Variants in NCAM1 observed in about 807,000 individuals in gnomAD.
NCAM1 encodes antigen recognized by monoclonal antibody 5.1H11.
In NCAM1, 14 loss-of-function variants were observed where a neutral mutation model predicts 109.8. That is an observed-to-expected ratio of 0.13 (90% CI 0.08 to 0.20). NCAM1 has a LOEUF of 0.20. Ranked by LOEUF, NCAM1 falls within the 10% of genes least tolerant of loss-of-function variation. The pLI, the probability that NCAM1 is intolerant of heterozygous loss-of-function variation, is 1.00. For synonymous variants in NCAM1, 418 were observed against 442.9 expected, an observed-to-expected ratio of 0.94 and a Z score of 0.70; for missense variants, 774 against 1,109.9, an observed-to-expected ratio of 0.70 and a Z score of 4.30.
intron 1 of NCAM1, among the ~76,000 whole-genome samples, chr11:112,996,848 T>C (rs1251153655): frequency 6.6e-6 from 1 of 152,218 alleles, no homozygotes; most frequent in Non-Finnish European, 1.5e-5. Context: ...CCCCGTCCCT[T>C]TTCTGGCCTG....
At chr11:112,978,254 A>G (rs59549727) in intron 1 of NCAM1, among the ~76,000 whole-genome samples, 46,172 of 151,664 alleles carry the variant, frequency 0.3, 8,051 homozygotes, top group East Asian at 0.67. Flanking sequence ...ATTGGTGTTT[A>G]GGTTTTGGGA....
rs1555126924 is a variant in NCAM1 at position 113,277,849 on chromosome 11, T to TTAAAAAAAA, written c.*2462_*2463insTAAAAAAAA. On this transcript the variant is annotated 3_prime_UTR_variant, in exon 20 of 20. Coordinates refer to ENST00000316851, the MANE Select transcript of NCAM1 (RefSeq NM_181351.5). ...TCTCAGCATGCAAGAGTTTTTCCTT[T>TTAAAAAAAA]AAAAAAAAAAAAAAAAAAAAAAAAA... The TTAAAAAAAA allele has an allele frequency of 4.7e-5, 3 of 63,262 alleles. No homozygotes were observed. Among genetic ancestry groups the TTAAAAAAAA allele is most frequent in the African/African-American group, 6.7e-5 (1 of 14,982 alleles). 3.9% of individuals were successfully genotyped at this position (63,262 alleles called of 1,614,324 possible).
chr11:113,082,893 C>T (rs919309781), intron 1 of NCAM1, among the ~76,000 whole-genome samples: 13 of 152,154 alleles, frequency 8.5e-5, no homozygotes, highest in African/African-American at 2.2e-4. Context: ...AAATTATGCA[C>T]GTCTATAGTA....
intron 1 of NCAM1, among the ~76,000 whole-genome samples, chr11:113,145,648 T>C (rs114789747): frequency 0.02 from 3,021 of 152,318 alleles, 41 homozygotes; most frequent in Middle Eastern, 0.041. Flanking sequence ...TAGCTTTTAA[T>C]ATTTTCCAAG....
At position 113,273,176 on chromosome 11, in the gene NCAM1, A is replaced by G. The variant is rs1228387432; in HGVS notation, c.2456+1300A>G. The G allele has an allele frequency of 1.2e-5, 4 of 335,000 alleles. No homozygotes were observed. Among genetic ancestry groups the G allele is most frequent in the South Asian group, 7.6e-5 (4 of 52,754 alleles). 20.8% of individuals were successfully genotyped at this position (335,000 alleles called of 1,614,324 possible). On this transcript the variant is annotated intron_variant, in intron 19 of 19. Coordinates refer to ENST00000316851, the MANE Select transcript of NCAM1 (RefSeq NM_181351.5). The surrounding 1 kb of genome is among the most constrained non-coding windows in gnomAD (Gnocchi z 6.0). ...GCGCCTCTGCCCCCTCCCCGGCCCC[A>G]GCTTCAGCCCCCAAGGTCGCCCCCC...
intron 1 of NCAM1, among the ~76,000 whole-genome samples, chr11:113,001,937 C>A (rs1181010577): frequency 6.6e-6 from 1 of 152,168 alleles, no homozygotes; most frequent in African/African-American, 2.4e-5. Flanking sequence ...CATTCCCAGG[C>A]AGCTTCTCTC....
intron 1 of NCAM1, among the ~76,000 whole-genome samples, chr11:112,989,327 G>T (rs1555070210): frequency 6.6e-6 from 1 of 151,716 alleles, no homozygotes; most frequent in African/African-American, 2.4e-5. Context: ...CCTATAATTG[G>T]CTAATTTCAG....
chr11:113,082,675 G>A (rs562605404), intron 1 of NCAM1, among the ~76,000 whole-genome samples: 1 of 152,194 alleles, frequency 6.6e-6, no homozygotes, highest in South Asian at 2.1e-4. Context: ...GGGTCTGGAC[G>A]CTCTGAGCGT....
chr11:113,256,020 A>G lies in NCAM1; in HGVS notation c.1953+19A>G. ...CCGAGCGGTGAGTGGCCTCCTTCTC[A>G]GACTTCACCAGAACCCTGCAACCCT... On this transcript the variant is annotated intron_variant, in intron 16 of 19. Transcript: ENST00000316851. The G allele has an allele frequency of 6.3e-7, 1 of 1,587,110 alleles. No homozygotes were observed. Among genetic ancestry groups the G allele is most frequent in the East Asian group, 2.3e-5 (1 of 43,186 alleles).
At chr11:113,248,377 G>A (rs1178058610) in intron 15 of NCAM1, among the ~76,000 whole-genome samples, 2 of 152,122 alleles carry the variant, frequency 1.3e-5, no homozygotes, top group South Asian at 2.1e-4. Context: ...AGCCCCGCAC[G>A]CAGCAGGAAT....
intron 1 of NCAM1, among the ~76,000 whole-genome samples, chr11:113,109,988 A>T (rs1269927382): frequency 2.0e-5 from 3 of 152,220 alleles, no homozygotes; most frequent in African/African-American, 7.2e-5. Flanking sequence ...AGGGAGATAT[A>T]CATGAATGTG....
At chr11:113,123,854 G>T (rs1479383951) in intron 1 of NCAM1, among the ~76,000 whole-genome samples, 1 of 152,180 alleles carries the variant, frequency 6.6e-6, no homozygotes, top group African/African-American at 2.4e-5. Context: ...GCAAAGGGAT[G>T]TAGACCCACT....
At chr11:113,208,495 C>G (rs1373402331) in intron 7 of NCAM1, among the ~76,000 whole-genome samples, 2 of 151,924 alleles carry the variant, frequency 1.3e-5, no homozygotes, top group Non-Finnish European at 2.9e-5. Context: ...GATCACTGCC[C>G]TAGGTTTCTC....
chr11:113,176,871 C>T (rs1329393763), intron 1 of NCAM1, among the ~76,000 whole-genome samples: 5 of 152,170 alleles, frequency 3.3e-5, no homozygotes, highest in Admixed American at 2.6e-4. Flanking sequence ...GTTTCCCAGC[C>T]TGTTGAGAAA....
chr11:113,187,109 T>C (rs1943530509), intron 1 of NCAM1, among the ~76,000 whole-genome samples: 1 of 152,240 alleles, frequency 6.6e-6, no homozygotes, highest in Non-Finnish European at 1.5e-5. Flanking sequence ...AGAAGCCTCA[T>C]ATCTGAGCTG....
chr11:113,247,332 A>T (rs1555120437), intron 15 of NCAM1, among the ~76,000 whole-genome samples: 1 of 152,192 alleles, frequency 6.6e-6, no homozygotes, highest in African/African-American at 2.4e-5. Flanking sequence ...ATGGATCACG[A>T]AAGCAAAACT....
chr11:113,046,240 T>A (rs1003128471), intron 1 of NCAM1, among the ~76,000 whole-genome samples: 2 of 152,214 alleles, frequency 1.3e-5, no homozygotes. Flanking sequence ...GGCATTAATA[T>A]CACCTTGTTT....
chr11:113,011,690 G>T (rs1952059911), intron 1 of NCAM1, among the ~76,000 whole-genome samples: 1 of 152,186 alleles, frequency 6.6e-6, no homozygotes, highest in Non-Finnish European at 1.5e-5. Flanking sequence ...GTGGTACCTT[G>T]TGTAGCATAA....
intron 1 of NCAM1, among the ~76,000 whole-genome samples, chr11:113,058,300 A>G (rs1855608944): frequency 6.6e-6 from 1 of 152,120 alleles, no homozygotes. Context: ...AGAAAAGAAA[A>G]AAGAAAAGAC....
Sources: gnomAD v4.1 joint callset for allele counts (sites outside exome capture counted in the v4.1 genomes callset) on GRCh38, gnomAD v4.1.1 for gene constraint, Gnocchi (gnomAD v3.1) non-coding constraint, MANE v1.5 for transcripts, NCBI Gene and HGNC (gene_info 2026-07-23, HGNC 2026-07-21) for gene names.